CHRM2: variants seen among roughly 807,000 people sequenced by gnomAD.
The protein encoded by CHRM2 is cholinergic receptor muscarinic 2.
Under a neutral mutation model 25.0 loss-of-function variants are expected in CHRM2, and 8 were observed. The ratio of observed to expected loss-of-function variants is 0.32; its 90% CI spans 0.19 to 0.58. CHRM2 has a LOEUF of 0.58. CHRM2 is among the 20% of genes least tolerant of loss of function. The pLI is 0.88. For synonymous variants in CHRM2, 202 were observed against 205.7 expected (o/e 0.98, Z 0.15); for missense variants, 440 against 567.1 (o/e 0.78, Z 2.28).
chr7:136,988,042 G>C (rs1050426791), intron 2 of CHRM2, among the ~76,000 whole-genome samples: 1 of 150,482 alleles, frequency 6.6e-6, no homozygotes, highest in Admixed American at 6.6e-5. Context: ...AGAATTTTAT[G>C]TATAATATAT....
chr7:136,871,848 G>T (rs1795852800), intron 2 of CHRM2: 1 of 152,220 alleles, frequency 6.6e-6, no homozygotes. Flanking sequence ...TCCCAGCTTT[G>T]CAGGCTTGGC....
chr7:136,906,103 GTA>G lies in CHRM2; in HGVS notation c.-125+36691_-125+36692del, dbSNP rs141982309. On this transcript the variant is annotated intron_variant, in intron 2 of 3. Coordinates refer to ENST00000680005, the MANE Select transcript of CHRM2 (RefSeq NM_001006630.2). Reference sequence around the variant, plus strand: ...ATGTAACAAAATTTACAATATGTATGTATATATGTGTGTGTATATATACACAC... The same window carrying G: ...ATGTAACAAAATTTACAATATGTATGTATATGTGTGTGTATATATACACAC... Among the ~76,000 whole-genome samples the G allele has an allele frequency of 5.1e-3, 763 of 150,092 alleles. 5 individuals carry two copies. Among genetic ancestry groups the G allele is most frequent in the African/African-American group, 0.017 (717 of 41,102 alleles).
intron 2 of CHRM2, among the ~76,000 whole-genome samples, chr7:136,955,468 G>A (rs981972688): frequency 3.7e-4 from 57 of 152,240 alleles, no homozygotes; most frequent in African/African-American, 1.3e-3. Flanking sequence ...AGAATAAGAT[G>A]GGATACATTC....
In CHRM2 at chr7:137,015,624, T is replaced by A. The variant is rs1805124961; in HGVS notation, c.759T>A (p.Asp253Glu). 1.9e-6 allele frequency: 3 copies of A among 1,612,724 alleles called. No homozygotes were observed. The highest frequency in any genetic ancestry group is 2.5e-6 in the Non-Finnish European group (3 of 1,179,508). ...PNNNNMPSSD[D>E]GLEHNKIQNG... Reference sequence around the variant, plus strand: ...ATAACAACATGCCCAGCAGTGACGATGGCCTGGAGCACAACAAAATCCAGA... The same window carrying A: ...ATAACAACATGCCCAGCAGTGACGAAGGCCTGGAGCACAACAAAATCCAGA... The change falls in exon 4 of 4, where the codon GAT (aspartate) becomes GAA (glutamate). Residue 253 changes from aspartate (D) to glutamate (E), a missense_variant. Asp to Glu is a conservative substitution (Grantham distance 45). Transcript: ENST00000680005. This position sits in a 1 kb window ranked among gnomAD's most constrained non-coding sequence, Gnocchi z 5.1.
chr7:136,959,103 C>T (rs955080101), intron 2 of CHRM2, among the ~76,000 whole-genome samples: 22 of 152,130 alleles, frequency 1.4e-4, no homozygotes, highest in African/African-American at 5.3e-4. Flanking sequence ...ACAATGGTGA[C>T]CCAAGTCATC....
At chr7:136,911,844 G>A (rs1024255646) in intron 2 of CHRM2, among the ~76,000 whole-genome samples, 12 of 151,848 alleles carry the variant, frequency 7.9e-5, no homozygotes, top group Non-Finnish European at 1.5e-4. Context: ...CAGCTTATTA[G>A]ATATTGTGTG....
At chr7:136,896,564 G>T (rs1404248944) in intron 2 of CHRM2, among the ~76,000 whole-genome samples, 1 of 151,376 alleles carries the variant, frequency 6.6e-6, no homozygotes, top group Non-Finnish European at 1.5e-5. Context: ...ACCTTGCATT[G>T]TGTGTGTGTG....
chr7:137,002,475 G>C (rs1218019242), intron 3 of CHRM2, among the ~76,000 whole-genome samples: 1 of 152,152 alleles, frequency 6.6e-6, no homozygotes, highest in Non-Finnish European at 1.5e-5. Flanking sequence ...TTCAGCAAAA[G>C]TAAGTTTAGA....
At chr7:137,006,843 T>A (rs1804468159) in intron 3 of CHRM2, among the ~76,000 whole-genome samples, 1 of 151,988 alleles carries the variant, frequency 6.6e-6, no homozygotes, top group African/African-American at 2.4e-5. Flanking sequence ...AACTTATACA[T>A]CCCTCTAGAA....
chr7:136,993,163 T>A (rs931378989), intron 3 of CHRM2, among the ~76,000 whole-genome samples: 1 of 152,124 alleles, frequency 6.6e-6, no homozygotes, highest in African/African-American at 2.4e-5. Flanking sequence ...TTTTTATTCA[T>A]AGAAGTGAGT....
intron 2 of CHRM2, among the ~76,000 whole-genome samples, chr7:136,983,583 GT>G (rs1802635192): frequency 6.6e-6 from 1 of 152,134 alleles, no homozygotes; most frequent in African/African-American, 2.4e-5. Context: ...TCTACCTTTG[GT>G]TTTTGCTGTT....
In CHRM2 at chr7:137,016,074, C is replaced by A. The variant is rs749588890; in HGVS notation, c.1209C>A (p.Tyr403Ter). 1 of 1,612,366 alleles carries A rather than the reference C, an allele frequency of 6.2e-7. No individual in the cohort carries two copies. The highest frequency in any genetic ancestry group is 1.3e-5 in the African/African-American group (1 of 74,742). Residue 403 changes from tyrosine (Y) to a stop codon, truncating the protein, a stop_gained, in exon 4 of 4, where the codon TAC (tyrosine) becomes TAA (stop). Coordinates refer to ENST00000680005, the MANE Select transcript of CHRM2 (RefSeq NM_001006630.2). LOFTEE classifies it high-confidence loss of function. The stretch of plus-strand genomic sequence containing the variant: ...CTTTCATCATCACTTGGGCCCCATA[C>A]AATGTCATGGTGCTCATTAACACCT... ...LLAFIITWAP[Y>*]NVMVLINTFC...
rs1795703775 is a variant in CHRM2, at chr7:136,869,000, A to C, written c.-283+8A>C. The C allele has an allele frequency of 6.6e-6, 1 of 152,288 alleles. No individual in the cohort carries two copies. Among genetic ancestry groups the C allele is most frequent in the Non-Finnish European group, 1.5e-5 (1 of 68,108 alleles). The allele number at this position is 152,288 out of a possible 1,614,324, so 9.4% of individuals were successfully genotyped here. A position where few individuals can be genotyped will look rare whatever the true frequency, so the allele number is the denominator to read the frequency against. On this transcript the variant is annotated splice_region_variant and intron_variant, in intron 1 of 3. Coordinates refer to ENST00000680005, the MANE Select transcript of CHRM2 (RefSeq NM_001006630.2). ...GCTCTTCGTGAAAGCCAGGTTTGAA[A>C]GTCTTGTTTGCTTCTCCTTTAGTGG...
chr7:136,872,983 T>G (rs13223210), intron 2 of CHRM2, among the ~76,000 whole-genome samples: 19,988 of 152,258 alleles, frequency 0.13, 1,471 homozygotes, highest in Non-Finnish European at 0.17. Flanking sequence ...CTTTACTCAA[T>G]AGGACAGAGA....
At chr7:136,893,873 A>G (rs1208129650) in intron 2 of CHRM2, among the ~76,000 whole-genome samples, 1 of 152,238 alleles carries the variant, frequency 6.6e-6, no homozygotes, top group African/African-American at 2.4e-5. Context: ...TAAAATGATT[A>G]TAAATGAACA....
intron 3 of CHRM2, among the ~76,000 whole-genome samples, chr7:137,013,313 G>A (rs1804947599): frequency 6.6e-6 from 1 of 151,396 alleles, no homozygotes; most frequent in African/African-American, 2.4e-5. Flanking sequence ...ATAAAATACT[G>A]GAAAACAATT....
At chr7:136,922,782 T>C (rs1798520531) in intron 2 of CHRM2, among the ~76,000 whole-genome samples, 1 of 152,220 alleles carries the variant, frequency 6.6e-6, no homozygotes, top group Non-Finnish European at 1.5e-5. Context: ...TCTGATCTTA[T>C]TACCAAAGGC....
intron 2 of CHRM2, among the ~76,000 whole-genome samples, chr7:136,915,124 T>G (rs1377054358): frequency 6.6e-6 from 1 of 151,886 alleles, no homozygotes; most frequent in African/African-American, 2.4e-5. Context: ...TCATTCTGGT[T>G]AAGAAATGTA....
chr7:136,944,398 G>C (rs1425555353), intron 2 of CHRM2, among the ~76,000 whole-genome samples: 1 of 151,852 alleles, frequency 6.6e-6, no homozygotes, highest in Non-Finnish European at 1.5e-5. Flanking sequence ...TTCTAACCAG[G>C]TTGCTGCAAA....
Sources: allele counts gnomAD v4.1 joint callset (sites outside exome capture counted in the v4.1 genomes callset), GRCh38; gene constraint gnomAD v4.1.1; non-coding constraint Gnocchi (gnomAD v3.1); transcripts MANE v1.5; gene names NCBI Gene and HGNC (gene_info 2026-07-23, HGNC 2026-07-21).